MGST1: variants seen among roughly 807,000 people sequenced by gnomAD.
MGST1 encodes glutathione S-transferase 12.
MGST1 carries 5 observed loss-of-function variants against 8.9 expected under a neutral mutation model. The ratio of observed to expected loss-of-function variants is 0.56; its 90% CI spans 0.29 to 1.19. MGST1 has a LOEUF of 1.19. Ranked by LOEUF, MGST1 falls within the 50% of genes most tolerant of loss-of-function variation. The pLI is 0.08. For synonymous variants in MGST1, 54 were observed against 67.8 expected, an observed-to-expected ratio of 0.80 and a Z score of 1.00; for missense variants, 182 against 187.4, an observed-to-expected ratio of 0.97 and a Z score of 0.17.
chr12:16,350,039 C>A (rs998822838), intron 1 of MGST1, among the ~76,000 whole-genome samples: 2 of 152,186 alleles, frequency 1.3e-5, no homozygotes, highest in South Asian at 2.1e-4. Flanking sequence ...CCACCGCGCT[C>A]GGCCCCCGCT....
chr12:16,523,869 A>G (rs1298249270), intron 4 of MGST1, among the ~76,000 whole-genome samples: 1 of 152,088 alleles, frequency 6.6e-6, no homozygotes, highest in Non-Finnish European at 1.5e-5. Flanking sequence ...GAATAAGCAT[A>G]TTGTCCGGTG....
chr12:16,540,353 G>A (rs1005322529), intron 4 of MGST1, among the ~76,000 whole-genome samples: 7 of 152,144 alleles, frequency 4.6e-5, no homozygotes, highest in African/African-American at 1.7e-4. Context: ...GCTCACTGAA[G>A]CCTTTACCTC....
In MGST1 at chr12:16,548,749, G is replaced by A. The variant is rs1941879491; in HGVS notation, n.483-40779G>A. 6.6e-6 allele frequency: 1 copy of A among 152,108 alleles called. No homozygotes were observed. Among genetic ancestry groups the A allele is most frequent in the African/African-American group, 2.4e-5 (1 of 41,430 alleles). 9.4% of individuals were successfully genotyped at this position (152,108 alleles called of 1,614,324 possible). A position where few individuals can be genotyped will look rare whatever the true frequency, so the allele number is the denominator to read the frequency against. On this transcript the variant is annotated intron_variant and non_coding_transcript_variant, in intron 4 of 4. Coordinates refer to the MGST1 transcript ENST00000538857. This position sits in a 1 kb window ranked among gnomAD's most constrained non-coding sequence, Gnocchi z 4.2. Reference sequence around the variant, plus strand: ...GGTCAATAAATGCTACAATTTATGGGCAATTAGCTGTAAAATGGCCTACAG... The same window carrying A: ...GGTCAATAAATGCTACAATTTATGGACAATTAGCTGTAAAATGGCCTACAG...
chr12:16,487,701 G>A (rs1301183543), intron 4 of MGST1, among the ~76,000 whole-genome samples: 1 of 152,126 alleles, frequency 6.6e-6, no homozygotes, highest in Non-Finnish European at 1.5e-5. Context: ...AGGCTGGAGG[G>A]CAGTGGCGTG....
intron 4 of MGST1, among the ~76,000 whole-genome samples, chr12:16,483,794 TAGTA>T (rs769463344): frequency 9.8e-5 from 15 of 152,286 alleles, no homozygotes; most frequent in Middle Eastern, 3.4e-3. Context: ...TCATAAAAAT[TAGTA>T]AGAATGTGAA....
chr12:16,492,604 T>A (rs1941446815), intron 4 of MGST1, among the ~76,000 whole-genome samples: 1 of 152,160 alleles, frequency 6.6e-6, no homozygotes, highest in South Asian at 2.1e-4. Flanking sequence ...CTCACCAATT[T>A]TCATATTGTT....
chr12:16,528,176 C>T (rs1941701052), intron 4 of MGST1, among the ~76,000 whole-genome samples: 1 of 151,970 alleles, frequency 6.6e-6, no homozygotes, highest in South Asian at 2.1e-4. Context: ...CCAGGCAAAA[C>T]AATGTCCGCC....
intron 4 of MGST1, among the ~76,000 whole-genome samples, chr12:16,563,296 C>T (rs967505927): frequency 2.6e-5 from 4 of 152,180 alleles, no homozygotes; most frequent in Admixed American, 2.6e-4. Context: ...TCTATAGCTA[C>T]ATTCGAGTTC....
chr12:16,445,050 A>G (rs1243736451), intron 4 of MGST1, among the ~76,000 whole-genome samples: 1 of 151,752 alleles, frequency 6.6e-6, no homozygotes, highest in African/African-American at 2.4e-5. Context: ...CCACATTCAT[A>G]AAGTCTGCTT....
chr12:16,570,240 A>G lies in MGST1; in HGVS notation n.483-19288A>G, dbSNP rs892201591. Among the ~76,000 whole-genome samples the G allele has an allele frequency of 2.6e-5, 4 of 152,278 alleles. No homozygotes were observed. The East Asian group carries it at 7.7e-4, about 29-fold the overall frequency. ...AGGTGAAACTTTTTATGTAAGTAAT[A>G]CTTTCCTAAAAATCGGCATTGAAGT... On this transcript the variant is annotated intron_variant and non_coding_transcript_variant, in intron 4 of 4. Transcript: ENST00000538857.
chr12:16,489,217 T>C (rs1309625549), intron 4 of MGST1, among the ~76,000 whole-genome samples: 1 of 152,164 alleles, frequency 6.6e-6, no homozygotes, highest in Non-Finnish European at 1.5e-5. Context: ...TTTGGGCCAT[T>C]ATAAATAAAT....
In MGST1 at chr12:16,425,150, G is replaced by A. The variant is rs78804882; in HGVS notation, n.779-12238G>A. On this transcript the variant is annotated intron_variant and non_coding_transcript_variant, in intron 1 of 1. Coordinates refer to the MGST1 transcript ENST00000359720. Reference sequence around the variant, plus strand: ...TACTTACAGCAATTATGGTCTTTGAGTTAAGTTTAGTTTGCTGTATTTTGT... The same window carrying A: ...TACTTACAGCAATTATGGTCTTTGAATTAAGTTTAGTTTGCTGTATTTTGT... 1.1e-4 allele frequency among the ~76,000 whole-genome samples: 17 copies of A among 152,232 alleles called. No individual in the cohort carries two copies. The East Asian group carries it at 3.3e-3, about 29-fold the overall frequency.
chr12:16,381,548 C>T (rs570763180), downstream of MGST1, among the ~76,000 whole-genome samples: 7 of 152,252 alleles, frequency 4.6e-5, no homozygotes, highest in East Asian at 9.7e-4. Flanking sequence ...GGTAACCCGA[C>T]CTTTCTCTCT....
chr12:16,540,229 AC>A (rs985491266), intron 4 of MGST1, among the ~76,000 whole-genome samples: 7 of 151,678 alleles, frequency 4.6e-5, no homozygotes, highest in African/African-American at 1.7e-4. Flanking sequence ...TTCCTTCTCC[AC>A]CCTTTTCTTT....
intron 4 of MGST1, among the ~76,000 whole-genome samples, chr12:16,462,441 A>G (rs1239795286): frequency 2.0e-5 from 3 of 152,194 alleles, no homozygotes; most frequent in Admixed American, 6.5e-5. Flanking sequence ...AAGCAAGTAC[A>G]TAAGATAAAA....
At chr12:16,571,682 G>A (rs1942816579) in intron 4 of MGST1, among the ~76,000 whole-genome samples, 1 of 151,922 alleles carries the variant, frequency 6.6e-6, no homozygotes, top group Non-Finnish European at 1.5e-5. Context: ...CTGTTCTTTG[G>A]TTCCTTCACT....
intron 1 of MGST1, among the ~76,000 whole-genome samples, chr12:16,431,455 CT>C (rs371423460): frequency 3.8e-3 from 548 of 143,924 alleles, no homozygotes; most frequent in East Asian, 0.015. Flanking sequence ...ATGTGCAACT[CT>C]TTTTTTTTTT....
At chr12:16,470,494 A>G (rs543718354) in intron 4 of MGST1, among the ~76,000 whole-genome samples, 149 of 152,294 alleles carry the variant, frequency 9.8e-4, no homozygotes, top group Non-Finnish European at 1.7e-3. Context: ...GATAAACAGG[A>G]GCTACCCACA....
chr12:16,555,982 C>T lies in MGST1; in HGVS notation n.483-33546C>T, dbSNP rs1264940949. Among the ~76,000 whole-genome samples, 1 of 152,088 alleles carries T rather than the reference C, an allele frequency of 6.6e-6. No individual in the cohort carries two copies. The highest frequency in any genetic ancestry group is 2.4e-5 in the African/African-American group (1 of 41,416). ...CCCTCAGTATAGCTCTATTTAGCATCGATTACACTCTTCTGTGAGTCTTTG... is the reference window on the plus strand; with the variant it reads ...CCCTCAGTATAGCTCTATTTAGCATTGATTACACTCTTCTGTGAGTCTTTG... On this transcript the variant is annotated intron_variant and non_coding_transcript_variant, in intron 4 of 4. Coordinates refer to the MGST1 transcript ENST00000538857. This position sits in a 1 kb window ranked among gnomAD's most constrained non-coding sequence, Gnocchi z 5.5.
Sources: allele counts gnomAD v4.1 joint callset (sites outside exome capture counted in the v4.1 genomes callset), GRCh38; gene constraint gnomAD v4.1.1; non-coding constraint Gnocchi (gnomAD v3.1); transcripts MANE v1.5; gene names NCBI Gene and HGNC (gene_info 2026-07-23, HGNC 2026-07-21).